NELL1: variants seen among roughly 807,000 people sequenced by gnomAD.
NELL1 encodes protein kinase C-binding protein NELL1.
In NELL1, 76 loss-of-function variants were observed where a neutral mutation model predicts 107.4. That is an observed-to-expected ratio of 0.71 (90% CI 0.59 to 0.86). The LOEUF (loss-of-function observed/expected upper bound fraction) is 0.86. Among genes scored for constraint, NELL1 ranks in the 40% least tolerant of loss-of-function variants. The pLI is 0.00. For missense variants in NELL1, 1,024 were observed against 1,005.5 expected, an observed-to-expected ratio of 1.02 and a Z score of -0.25; for synonymous variants, 353 against 341.2, an observed-to-expected ratio of 1.03 and a Z score of -0.38.
At chr11:20,863,300 G>C (rs1256654295) in intron 4 of NELL1, among the ~76,000 whole-genome samples, 7 of 139,774 alleles carry the variant, frequency 5.0e-5, no homozygotes, top group African/African-American at 1.6e-4. Context: ...CCCGGACGGG[G>C]CAGCTGGCCA....
At chr11:20,767,159 G>A (rs926207584) in intron 2 of NELL1, among the ~76,000 whole-genome samples, 3 of 152,184 alleles carry the variant, frequency 2.0e-5, no homozygotes, top group East Asian at 1.9e-4. Context: ...CTGACTTCAA[G>A]AATGAAGCTG....
intron 13 of NELL1, among the ~76,000 whole-genome samples, chr11:21,153,548 C>G (rs1033677821): frequency 1.3e-5 from 2 of 152,148 alleles, no homozygotes; most frequent in African/African-American, 4.8e-5. Context: ...AGCTCATCAT[C>G]AAGAGGGCGT....
At chr11:21,169,175 C>A (rs143568055) in intron 13 of NELL1, among the ~76,000 whole-genome samples, 1 of 151,828 alleles carries the variant, frequency 6.6e-6, no homozygotes, top group South Asian at 2.1e-4. Context: ...GTGACCAACA[C>A]GGAGGGATGT....
intron 12 of NELL1, among the ~76,000 whole-genome samples, chr11:21,075,356 T>C (rs1308306593): frequency 1.3e-5 from 2 of 150,764 alleles, no homozygotes; most frequent in Non-Finnish European, 2.9e-5. Context: ...TGCTACACTC[T>C]GAATACTCTT....
At chr11:21,514,453 A>G (rs546481266) in intron 15 of NELL1, among the ~76,000 whole-genome samples, 3 of 152,348 alleles carry the variant, frequency 2.0e-5, no homozygotes. Flanking sequence ...AGTATGAGTA[A>G]AGTGAGCCAG....
At chr11:21,412,234 AT>A (rs1461423057) in intron 15 of NELL1, among the ~76,000 whole-genome samples, 1 of 152,020 alleles carries the variant, frequency 6.6e-6, no homozygotes. Flanking sequence ...TGTTAGAGAT[AT>A]TTTTTCCTGT....
chr11:21,229,091 A>C (rs1259770292), intron 13 of NELL1, among the ~76,000 whole-genome samples: 2 of 152,034 alleles, frequency 1.3e-5, no homozygotes, highest in Admixed American at 1.3e-4. Context: ...GCACTTACCA[A>C]TTGTGTGACG....
rs546098059 is a variant in NELL1, at chr11:21,089,087, A to G, written c.1301-24502A>G. Among the ~76,000 whole-genome samples the G allele has an allele frequency of 2.0e-5, 3 of 152,302 alleles. No homozygotes were observed. In the South Asian group the frequency reaches 6.2e-4, roughly 32 times the overall value. On this transcript the variant is annotated intron_variant, in intron 12 of 19. Transcript: ENST00000357134. The stretch of plus-strand genomic sequence containing the variant: ...ATGAATGGGGGATGGGACATAGATA[A>G]AAATGCTGAGTGCTATTTTAGCATA...
intron 14 of NELL1, among the ~76,000 whole-genome samples, chr11:21,317,518 C>T (rs1849904834): frequency 6.6e-6 from 1 of 151,956 alleles, no homozygotes; most frequent in African/African-American, 2.4e-5. Flanking sequence ...GTGGCACTCA[C>T]ACTAAGCATT....
intron 14 of NELL1, among the ~76,000 whole-genome samples, chr11:21,332,274 T>A (rs1244495428): frequency 1.3e-5 from 2 of 151,998 alleles, no homozygotes; most frequent in Non-Finnish European, 2.9e-5. Flanking sequence ...ATTTCCAAAG[T>A]GTTCTCTGTA....
At chr11:20,926,441 T>A (rs1272576163) in intron 7 of NELL1, among the ~76,000 whole-genome samples, 3 of 152,034 alleles carry the variant, frequency 2.0e-5, no homozygotes, top group East Asian at 3.9e-4. Flanking sequence ...AACCTAGGTA[T>A]GGCAGGAAAA....
At chr11:21,297,954 T>G (rs912577287) in intron 14 of NELL1, among the ~76,000 whole-genome samples, 2 of 151,884 alleles carry the variant, frequency 1.3e-5, no homozygotes, top group Non-Finnish European at 2.9e-5. Flanking sequence ...AAAATAGGGC[T>G]GAGAGGGCTG....
At chr11:21,444,894 G>A (rs1323063147) in intron 15 of NELL1, among the ~76,000 whole-genome samples, 2 of 151,996 alleles carry the variant, frequency 1.3e-5, no homozygotes, top group Admixed American at 6.6e-5. Context: ...TTCTCTGGTA[G>A]TGTGTTTTAA....
chr11:21,331,273 T>G (rs1414352432), intron 14 of NELL1, among the ~76,000 whole-genome samples: 3 of 152,104 alleles, frequency 2.0e-5, no homozygotes, highest in Non-Finnish European at 4.4e-5. Flanking sequence ...ACTTTCCTGT[T>G]TATTTGCATG....
At chr11:20,720,476 G>A (rs146443281) in intron 2 of NELL1, among the ~76,000 whole-genome samples, 1,813 of 152,148 alleles carry the variant, frequency 0.012, 35 homozygotes, top group African/African-American at 0.041. Context: ...CAAAGTGCTG[G>A]GATTACAGAC....
At chr11:20,901,241 A>G (rs1110608) in intron 5 of NELL1, among the ~76,000 whole-genome samples, 140,144 of 152,154 alleles carry the variant, frequency 0.92, 64,710 homozygotes, top group East Asian at 1. Flanking sequence ...CAGAAAGAGT[A>G]CTAGATGTAA....
At chr11:21,484,293 T>G (rs1397721270) in intron 15 of NELL1, among the ~76,000 whole-genome samples, 2 of 151,778 alleles carry the variant, frequency 1.3e-5, no homozygotes, top group African/African-American at 2.4e-5. Flanking sequence ...CATCTCCTTA[T>G]GCCCCGAGAA....
At chr11:21,240,603 C>A (rs1050596951) in intron 14 of NELL1, among the ~76,000 whole-genome samples, 5 of 152,024 alleles carry the variant, frequency 3.3e-5, no homozygotes, top group Middle Eastern at 3.2e-3. Context: ...TATTTTCAGT[C>A]TTGAACCCAG....
At chr11:20,724,463 G>T (rs1855463794) in intron 2 of NELL1, among the ~76,000 whole-genome samples, 1 of 152,040 alleles carries the variant, frequency 6.6e-6, no homozygotes, top group Non-Finnish European at 1.5e-5. Flanking sequence ...CTTCCACCAG[G>T]TACCCTAAAT....
Sources: gnomAD v4.1 joint callset for allele counts (sites outside exome capture counted in the v4.1 genomes callset) on GRCh38, gnomAD v4.1.1 for gene constraint, MANE v1.5 for transcripts, NCBI Gene and HGNC (gene_info 2026-07-23, HGNC 2026-07-21) for gene names.